The following ROBO1 variants were observed in gnomAD, a reference collection of about 807,000 sequenced individuals.
The protein encoded by ROBO1 is roundabout homolog 1.
Under a neutral mutation model 195.9 loss-of-function variants are expected in ROBO1, and 149 were observed. The ratio of observed to expected loss-of-function variants is 0.76; its 90% CI spans 0.67 to 0.87. The LOEUF (loss-of-function observed/expected upper bound fraction) is 0.87. ROBO1 is among the 40% of genes least tolerant of loss of function. The pLI is 0.00. For synonymous variants in ROBO1, 816 were observed against 733.2 expected (o/e 1.11, Z -1.82); for missense variants, 1,933 against 2,068.3 (o/e 0.93, Z 1.27).
chr3:78,834,366 G>A (rs1311378258), intron 4 of ROBO1, among the ~76,000 whole-genome samples: 1 of 151,056 alleles, frequency 6.6e-6, no homozygotes, highest in East Asian at 1.9e-4. Flanking sequence ...AAAGTTAACA[G>A]GAAGTGAGAG....
intron 4 of ROBO1, among the ~76,000 whole-genome samples, chr3:78,894,664 C>T (rs1485393458): frequency 1.3e-5 from 2 of 152,154 alleles, no homozygotes; most frequent in African/African-American, 4.8e-5. Flanking sequence ...AGAAATAATA[C>T]AGCAGAAACA....
At chr3:79,060,009 T>C (rs1050536409) in intron 3 of ROBO1, among the ~76,000 whole-genome samples, 1 of 152,016 alleles carries the variant, frequency 6.6e-6, no homozygotes, top group Non-Finnish European at 1.5e-5. Context: ...TGAATTATTT[T>C]CCTCAGCAAG....
At chr3:79,424,636 T>A (rs185285707) in intron 2 of ROBO1, among the ~76,000 whole-genome samples, 1 of 152,058 alleles carries the variant, frequency 6.6e-6, no homozygotes, top group African/African-American at 2.4e-5. Flanking sequence ...TACTTTTTCA[T>A]GAAGATGGAC....
At chr3:78,932,770 A>C (rs1309441734) in intron 4 of ROBO1, among the ~76,000 whole-genome samples, 1 of 152,194 alleles carries the variant, frequency 6.6e-6, no homozygotes, top group East Asian at 1.9e-4. Flanking sequence ...TACACACCCA[A>C]AGTTCAATAG....
chr3:79,534,148 C>CAAAAAAA (rs5850434), intron 2 of ROBO1, among the ~76,000 whole-genome samples: 47 of 59,964 alleles, frequency 7.8e-4, no homozygotes, highest in African/African-American at 2.9e-3. Flanking sequence ...CTGGGGAAGG[C>CAAAAAAA]AAAAAAAAAA....
chr3:78,850,817 TC>T (rs1296976603), intron 4 of ROBO1, among the ~76,000 whole-genome samples: 1 of 152,062 alleles, frequency 6.6e-6, no homozygotes, highest in Non-Finnish European at 1.5e-5. Flanking sequence ...CTTTTTTTTT[TC>T]TTTTTGAGAT....
chr3:79,008,037 C>T (rs907687339), intron 3 of ROBO1, among the ~76,000 whole-genome samples: 3 of 152,206 alleles, frequency 2.0e-5, no homozygotes, highest in Non-Finnish European at 2.9e-5. Flanking sequence ...CTCTCAAATA[C>T]CTTCCCTAGT....
chr3:79,512,635 C>G (rs1226481906), intron 2 of ROBO1, among the ~76,000 whole-genome samples: 3 of 151,992 alleles, frequency 2.0e-5, no homozygotes, highest in Non-Finnish European at 4.4e-5. Context: ...AAATATTTAT[C>G]ACATAGACTT....
chr3:78,786,404 A>G (rs2083836070), intron 4 of ROBO1, among the ~76,000 whole-genome samples: 1 of 152,184 alleles, frequency 6.6e-6, no homozygotes, highest in Non-Finnish European at 1.5e-5. Flanking sequence ...AGTGCTTAGT[A>G]TGAGTCTGGA....
intron 2 of ROBO1, among the ~76,000 whole-genome samples, chr3:79,380,284 A>G (rs1181040881): frequency 6.6e-6 from 1 of 152,140 alleles, no homozygotes; most frequent in East Asian, 1.9e-4. Context: ...TATCTTTCCC[A>G]AGATTATACA....
chr3:79,035,220 C>T (rs1389362124), intron 3 of ROBO1, among the ~76,000 whole-genome samples: 1 of 151,986 alleles, frequency 6.6e-6, no homozygotes, highest in Non-Finnish European at 1.5e-5. Context: ...ACTTTTAAGT[C>T]AAGTCTCTTC....
rs566705230 is a variant in ROBO1 at position 79,328,439 on chromosome 3, A to G, written c.89-202900T>C. 6.6e-5 allele frequency among the ~76,000 whole-genome samples: 10 copies of G among 152,302 alleles called. No homozygotes were observed. In the South Asian group the frequency reaches 2.1e-3, roughly 32 times the overall value. On this transcript the variant is annotated intron_variant, in intron 2 of 30. Coordinates refer to ENST00000464233, the MANE Select transcript of ROBO1 (RefSeq NM_002941.4). Reference sequence around the variant, plus strand: ...TAATATTTAAAATAAAATGCATTTTAAATTCATTTACCACAATTTTTCCAA... The same window carrying G: ...TAATATTTAAAATAAAATGCATTTTGAATTCATTTACCACAATTTTTCCAA...
chr3:79,089,776 A>G (rs1184415920), intron 3 of ROBO1, among the ~76,000 whole-genome samples: 1 of 152,058 alleles, frequency 6.6e-6, no homozygotes, highest in Non-Finnish European at 1.5e-5. Flanking sequence ...AGATGAACGC[A>G]TTTGCATGTG....
At chr3:78,625,341 A>C (rs567508247) in intron 26 of ROBO1, among the ~76,000 whole-genome samples, 1 of 152,338 alleles carries the variant, frequency 6.6e-6, no homozygotes, top group African/African-American at 2.4e-5. Flanking sequence ...ATTGTTTATG[A>C]TTTTTGCCTA....
intron 3 of ROBO1, among the ~76,000 whole-genome samples, chr3:78,952,981 G>A (rs2040864657): frequency 1.3e-5 from 2 of 152,146 alleles, no homozygotes; most frequent in Middle Eastern, 3.4e-3. Context: ...GAAATTCCAG[G>A]AGTGAATGCC....
chr3:79,032,796 G>T (rs1456105910), intron 3 of ROBO1, among the ~76,000 whole-genome samples: 1 of 152,052 alleles, frequency 6.6e-6, no homozygotes, highest in Non-Finnish European at 1.5e-5. Flanking sequence ...AATAGAAGTT[G>T]ATAGCAGGTC....
At chr3:79,271,081 T>C (rs1317687063) in intron 2 of ROBO1, among the ~76,000 whole-genome samples, 3 of 151,928 alleles carry the variant, frequency 2.0e-5, no homozygotes, top group African/African-American at 7.2e-5. Flanking sequence ...AATTAACTGA[T>C]CAATTTTATT....
intron 10 of ROBO1, among the ~76,000 whole-genome samples, chr3:78,678,114 C>G (rs1460176232): frequency 6.6e-6 from 1 of 152,130 alleles, no homozygotes; most frequent in Non-Finnish European, 1.5e-5. Context: ...TAAAGATGTT[C>G]TTTGAAACCA....
At chr3:79,576,948 T>C (rs1174031268) in intron 2 of ROBO1, among the ~76,000 whole-genome samples, 3 of 152,138 alleles carry the variant, frequency 2.0e-5, no homozygotes, top group African/African-American at 7.2e-5. Flanking sequence ...TCTATAACAA[T>C]AACACTTCTG....
Sources: allele counts gnomAD v4.1 joint callset (sites outside exome capture counted in the v4.1 genomes callset), GRCh38; gene constraint gnomAD v4.1.1; transcripts MANE v1.5; gene names NCBI Gene and HGNC (gene_info 2026-07-23, HGNC 2026-07-21).